Variants in PTPN2 observed in about 807,000 individuals in gnomAD.
PTPN2 encodes tyrosine-protein phosphatase non-receptor type 2.
PTPN2 carries 19 observed loss-of-function variants against 57.3 expected under a neutral mutation model. The observed-to-expected ratio is 0.33, with a 90% CI of 0.23 to 0.49. PTPN2 has a LOEUF of 0.49. Ranked by LOEUF, PTPN2 falls within the 20% of genes least tolerant of loss-of-function variation. The pLI is 0.99. For synonymous variants in PTPN2, 153 were observed against 164.9 expected (o/e 0.93, Z 0.55); for missense variants, 358 against 501.1 (o/e 0.71, Z 2.73).
intron 4 of PTPN2, 91 bp from the exon 5 acceptor site, chr18:12,826,035 C>A: frequency 1.9e-6 from 2 of 1,037,940 alleles, no homozygotes; most frequent in Non-Finnish European, 1.4e-6. Context: ...CAGATATATA[C>A]ATGCTATATT....
rs1473036088 is a variant in PTPN2 at position 12,825,851 on chromosome 18, A to C, written c.454T>G (p.Ser152Ala). ...SVKLLSEDVK[S>A]YYTVHLLQLE... ...TGTAGTAGATGTACTGTATAATACG[A>C]CTTCACATCTTCTGACAAGAGCTTC... The change falls in exon 5 of 9, where the codon TCG (serine) becomes GCG (alanine). Residue 152 changes from serine (S) to alanine (A), a missense_variant. By Grantham distance (99) the Ser-to-Ala change is moderately conservative (BLOSUM62 1). Around this residue, in one of 4 missense-constraint regions of PTPN2, gnomAD observed 193 missense variants for 315.4 expected, o/e 0.61. Transcript: ENST00000309660. The C allele has an allele frequency of 1.9e-6, 3 of 1,611,070 alleles. No homozygotes were observed. The highest frequency in any genetic ancestry group is 3.3e-5 in the Admixed American group (2 of 59,880).
Position 12,846,606 on chromosome 18 carries a change from C to T in PTPN2, c.161-9715G>A, listed in dbSNP as rs919915712. The stretch of plus-strand genomic sequence containing the variant: ...TTCTGTCACTACAAGACATTCCAGG[C>T]TATTCTTACACTTTCCCTGTCGCAG... On this transcript the variant is annotated intron_variant, in intron 2 of 8. Transcript: ENST00000309660. 1.2e-4 allele frequency among the ~76,000 whole-genome samples: 18 copies of T among 152,282 alleles called. No homozygotes were observed. In the East Asian group the frequency reaches 1.5e-3, roughly 13 times the overall value.
At position 12,870,507 on chromosome 18, in the gene PTPN2, G is replaced by GTTTT. The variant is rs367970136; in HGVS notation, c.70-11254_70-11253insAAAA. On this transcript the variant is annotated intron_variant, in intron 1 of 8. Transcript: ENST00000309660. ...GAGAGAGAGAGAGAGAGAAAAGCGT[G>GTTTT]TTGTTTTTTTTTTTTTTTTGAGACA... Among the ~76,000 whole-genome samples the GTTTT allele has an allele frequency of 1.3e-3, 84 of 62,584 alleles. 6 individuals carry two copies. The highest frequency in any genetic ancestry group is 7.7e-3 in the African/African-American group (81 of 10,530). 41.1% of individuals were successfully genotyped at this position (62,584 alleles called of 152,430 possible).
In PTPN2 at chr18:12,822,824, ACT is replaced by A. The variant is rs144028896; in HGVS notation, c.495+2984_495+2985del. ...TTCCTGTTGTCCCTTCCAATTCATT[ACT>A]GTTACAAAAAGGAAACTGATCAACT... On this transcript the variant is annotated intron_variant, in intron 5 of 8. Coordinates refer to ENST00000309660, the MANE Select transcript of PTPN2 (RefSeq NM_002828.4). Among the ~76,000 whole-genome samples, 1,082 of 152,240 alleles carry A rather than the reference ACT, an allele frequency of 7.1e-3. 16 individuals carry two copies. The highest frequency in any genetic ancestry group is 0.025 in the African/African-American group (1,052 of 41,544).
Position 12,825,958 on chromosome 18 carries a change from T to C in PTPN2, c.361-14A>G, listed in dbSNP as rs369908569. ...TGCACATTTAACCTAAATTTAGAAA[T>C]ATGTATATGATTTTTTTTTAGTTTA... On this transcript the variant is annotated splice_polypyrimidine_tract_variant and intron_variant, in intron 4 of 8. Coordinates refer to ENST00000309660, the MANE Select transcript of PTPN2 (RefSeq NM_002828.4). 2.5e-6 allele frequency: 4 copies of C among 1,575,036 alleles called. No individual in the cohort carries two copies. The highest frequency in any genetic ancestry group is 2.7e-5 in the African/African-American group (2 of 73,014).
chr18:12,873,959 G>T (rs1182249473), intron 1 of PTPN2, among the ~76,000 whole-genome samples: 1 of 151,406 alleles, frequency 6.6e-6, no homozygotes, highest in African/African-American at 2.4e-5. Context: ...GGGAGGTGAG[G>T]AGCGTCTCTG....
At chr18:12,883,835 C>T (rs2145559147) in intron 1 of PTPN2, 1 of 391,716 alleles carries the variant, frequency 2.6e-6, no homozygotes, top group South Asian at 5.3e-5. Flanking sequence ...ACTAACTGCG[C>T]TTGCGCTAAC....
At chr18:12,870,563 C>A in intron 1 of PTPN2, among the ~76,000 whole-genome samples, 1 of 124,088 alleles carries the variant, frequency 8.1e-6, no homozygotes, top group East Asian at 2.6e-4. Context: ...GGCTGGAGTG[C>A]AGTGGCGCGA....
intron 1 of PTPN2, chr18:12,868,989 A>T (rs1029620282): frequency 6.6e-6 from 1 of 152,116 alleles, no homozygotes; most frequent in African/African-American, 2.4e-5. Flanking sequence ...GTCTCTACTA[A>T]AAGTACAAAA....
At chr18:12,839,878 G>T (rs988332932) in intron 2 of PTPN2, among the ~76,000 whole-genome samples, 2 of 151,872 alleles carry the variant, frequency 1.3e-5, no homozygotes, top group Non-Finnish European at 2.9e-5. Context: ...AATGACTAGT[G>T]CTAGCTGTGG....
chr18:12,873,272 C>CCTCTGCCT (rs1346211394), intron 1 of PTPN2, among the ~76,000 whole-genome samples: 22 of 130,848 alleles, frequency 1.7e-4, no homozygotes, highest in Admixed American at 9.7e-4. Flanking sequence ...TCTCCCTCTC[C>CCTCTGCCT]CCACGGTCTC....
chr18:12,851,498 AAAAAAAG>A (rs1365083975), intron 2 of PTPN2, among the ~76,000 whole-genome samples: 1 of 8,766 alleles, frequency 1.1e-4, no homozygotes, highest in African/African-American at 1.8e-4. Context: ...AAAAAAAAAA[AAAAAAAG>A]AAAAAAGAAT....
chr18:12,854,372 AAAAG>A (rs1261758095), intron 2 of PTPN2, among the ~76,000 whole-genome samples: 4 of 149,834 alleles, frequency 2.7e-5, no homozygotes, highest in South Asian at 2.2e-4. Context: ...AAAAAAAAAA[AAAAG>A]AAAAAAGAAA....
chr18:12,870,284 C>CATATACATATATATGTGTAT lies in PTPN2; in HGVS notation c.70-11050_70-11031dup, dbSNP rs1273751042. On this transcript the variant is annotated intron_variant, in intron 1 of 8. Coordinates refer to ENST00000309660, the MANE Select transcript of PTPN2 (RefSeq NM_002828.4). The stretch of plus-strand genomic sequence containing the variant: ...ATATATATATATATGTATATATATA[C>CATATACATATATATGTGTAT]ATATACATATATATGTGTATATATA... 5.5e-4 allele frequency among the ~76,000 whole-genome samples: 35 copies of CATATACATATATATGTGTAT among 63,600 alleles called. 3 individuals are homozygous for CATATACATATATATGTGTAT. The highest frequency in any genetic ancestry group is 1.3e-3 in the Admixed American group (8 of 6,336). 41.7% of individuals were successfully genotyped at this position (63,600 alleles called of 152,430 possible). A position where few individuals can be genotyped will look rare whatever the true frequency, so the allele number is the denominator to read the frequency against.
chr18:12,822,918 G>C (rs2042320133), intron 5 of PTPN2, among the ~76,000 whole-genome samples: 1 of 152,142 alleles, frequency 6.6e-6, no homozygotes, highest in Admixed American at 6.6e-5. Flanking sequence ...GCAATCCTAT[G>C]AAGTAGGTAC....
chr18:12,801,924 A>G, intron 8 of PTPN2, 46 bp downstream of exon 8: 1 of 1,495,326 alleles, frequency 6.7e-7, no homozygotes, highest in Non-Finnish European at 9.0e-7. Flanking sequence ...TTTATTTTTA[A>G]AATAAAAAAG....
At chr18:12,800,367 GA>G (rs897046136) in intron 8 of PTPN2, among the ~76,000 whole-genome samples, 18 of 151,818 alleles carry the variant, frequency 1.2e-4, no homozygotes, top group African/African-American at 4.1e-4. Context: ...TAAAAGGGGG[GA>G]AAAAGCAGTA....
rs1414021870 is a variant in PTPN2, at chr18:12,792,935, C to T, written c.*1343G>A. 1 of 984,872 alleles carries T rather than the reference C, an allele frequency of 1.0e-6. No individual in the cohort carries two copies. The highest frequency in any genetic ancestry group is 1.2e-6 in the Non-Finnish European group (1 of 829,572). The allele number at this position is 984,872 out of a possible 1,614,324, so 61.0% of individuals were successfully genotyped here. ...ACTGCCCCCTTTAAAATACTTAAGC[C>T]TTATGCAGAAATCTTATGTGGCATA... On this transcript the variant is annotated 3_prime_UTR_variant, in exon 9 of 9. Coordinates refer to ENST00000309660, the MANE Select transcript of PTPN2 (RefSeq NM_002828.4).
intron 4 of PTPN2, among the ~76,000 whole-genome samples, chr18:12,826,291 T>G (rs1206668138): frequency 1.3e-5 from 2 of 152,094 alleles, no homozygotes; most frequent in African/African-American, 4.8e-5. Context: ...TAATCCCAGC[T>G]ACTTGTGAGA....
Sources: allele counts gnomAD v4.1 joint callset (sites outside exome capture counted in the v4.1 genomes callset), GRCh38; gene constraint gnomAD v4.1.1; regional missense constraint gnomAD v4.1.1; transcripts MANE v1.5; gene names NCBI Gene and HGNC (gene_info 2026-07-23, HGNC 2026-07-21).